The following TRAK1 variants were observed in gnomAD, a reference collection of about 807,000 sequenced individuals.
The protein encoded by TRAK1 is trafficking kinesin protein 1.
Under a neutral mutation model 92.1 loss-of-function variants are expected in TRAK1, and 33 were observed. The ratio of observed to expected loss-of-function variants is 0.36; its 90% CI spans 0.27 to 0.48. TRAK1 has a LOEUF of 0.48. TRAK1 is among the 20% of genes least tolerant of loss of function. The probability of loss-of-function intolerance (pLI) is 0.99; values close to 1 mark genes in which losing one functional copy is unlikely to be tolerated. For synonymous variants in TRAK1, 521 were observed against 517.3 expected (o/e 1.01, Z -0.10); for missense variants, 1,123 against 1,257.9 (o/e 0.89, Z 1.62).
At chr3:42,182,594 T>C (rs1284208567) in intron 3 of TRAK1, among the ~76,000 whole-genome samples, 1 of 152,198 alleles carries the variant, frequency 6.6e-6, no homozygotes, top group Non-Finnish European at 1.5e-5. Context: ...AGCTCATTTT[T>C]GATACTGTGA....
intron 1 of TRAK1, among the ~76,000 whole-genome samples, chr3:42,067,346 A>T (rs1576227804): frequency 6.6e-6 from 1 of 152,356 alleles, no homozygotes; most frequent in East Asian, 1.9e-4. Flanking sequence ...ATTAAAAAGA[A>T]CAAGATATGT....
At position 42,202,946 on chromosome 3, in the gene TRAK1, A is replaced by G. The variant is rs1314548607; in HGVS notation, c.1744+194A>G. On this transcript the variant is annotated intron_variant, in intron 13 of 15. Coordinates refer to ENST00000327628, the MANE Select transcript of TRAK1 (RefSeq NM_001042646.3). This position sits in a 1 kb window ranked among gnomAD's most constrained non-coding sequence, Gnocchi z 6.1. ...CCTCCGTCCCTCCCCTCTGGCTGGC[A>G]GGTGTGACAATGCACACATAGGCCA... 2 of 1,402,066 alleles carry G rather than the reference A, an allele frequency of 1.4e-6. No homozygotes were observed. The highest frequency in any genetic ancestry group is 1.9e-6 in the Non-Finnish European group (2 of 1,077,742). The allele number at this position is 1,402,066 out of a possible 1,614,324, so 86.9% of individuals were successfully genotyped here. A position where few individuals can be genotyped will look rare whatever the true frequency, so the allele number is the denominator to read the frequency against.
rs1708869783 is a variant in TRAK1 at position 42,210,345 on chromosome 3, C to T, written c.1963+360C>T. 4.8e-6 allele frequency: 7 copies of T among 1,463,760 alleles called. No homozygotes were observed. The South Asian group carries it at 1.2e-4, about 24-fold the overall frequency. 90.7% of individuals were successfully genotyped at this position (1,463,760 alleles called of 1,614,324 possible). The stretch of plus-strand genomic sequence containing the variant: ...GTAACAATGGGTGTAGCTCCCCTGC[C>T]CATCTTGGAGGTGCATGGCCCATCA... On this transcript the variant is annotated intron_variant, in intron 14 of 15. Transcript: ENST00000327628.
intron 6 of TRAK1, among the ~76,000 whole-genome samples, chr3:42,189,400 G>A (rs1057059097): frequency 6.6e-6 from 1 of 152,240 alleles, no homozygotes; most frequent in Non-Finnish European, 1.5e-5. Flanking sequence ...CTCCTGCAGT[G>A]AGGTCTCCCA....
At chr3:42,051,304 C>T (rs944070726) in intron 1 of TRAK1, 6 of 152,288 alleles carry the variant, frequency 3.9e-5, no homozygotes, top group African/African-American at 9.6e-5. Context: ...TCATATCTGT[C>T]ATTGTTGTAG....
At chr3:42,168,044 T>C (rs1396513232) in intron 2 of TRAK1, among the ~76,000 whole-genome samples, 3 of 152,230 alleles carry the variant, frequency 2.0e-5, no homozygotes, top group Admixed American at 6.5e-5. Flanking sequence ...TGGGAGAAGA[T>C]AGAAGAGGTT....
intron 1 of TRAK1, among the ~76,000 whole-genome samples, chr3:42,058,787 G>GT (rs1312886943): frequency 2.6e-5 from 4 of 152,112 alleles, no homozygotes; most frequent in Non-Finnish European, 4.4e-5. Flanking sequence ...ACAACAGATC[G>GT]TAAGATACGC....
chr3:42,076,216 C>CTTTT (rs3073733), intron 1 of TRAK1, among the ~76,000 whole-genome samples: 2 of 62,684 alleles, frequency 3.2e-5, no homozygotes, highest in African/African-American at 8.0e-5. Context: ...GATATTAGAC[C>CTTTT]TTTTTTTTTT....
chr3:42,116,687 G>A (rs1453047880), intron 1 of TRAK1, among the ~76,000 whole-genome samples: 1 of 152,186 alleles, frequency 6.6e-6, no homozygotes, highest in East Asian at 1.9e-4. Flanking sequence ...TCATGAGAGA[G>A]GGTTATTGCC....
chr3:42,034,893 C>T (rs960341025), intron 1 of TRAK1, among the ~76,000 whole-genome samples: 7 of 152,038 alleles, frequency 4.6e-5, no homozygotes, highest in African/African-American at 1.7e-4. Flanking sequence ...CCATTAGCCC[C>T]TCTCTGTCTC....
intron 2 of TRAK1, chr3:42,160,500 G>T (rs1415376532): frequency 1.2e-6 from 2 of 1,609,150 alleles, no homozygotes; most frequent in African/African-American, 1.3e-5. Context: ...GCTCAGATTT[G>T]ATCCTTTCCT....
At chr3:42,033,579 C>T (rs188731855) in intron 1 of TRAK1, among the ~76,000 whole-genome samples, 3 of 148,594 alleles carry the variant, frequency 2.0e-5, no homozygotes, top group East Asian at 2.0e-4. Flanking sequence ...CAGAGCAAGA[C>T]CCTGTCTCAA....
intron 14 of TRAK1, chr3:42,210,248 G>T (rs1708858204): frequency 1.3e-6 from 2 of 1,524,904 alleles, no homozygotes; most frequent in Admixed American, 4.4e-5. Flanking sequence ...CCGCTCGTCT[G>T]TGTGGGTGAT....
intron 2 of TRAK1, among the ~76,000 whole-genome samples, chr3:42,175,350 C>T (rs76330255): frequency 3.2e-4 from 48 of 152,298 alleles, no homozygotes; most frequent in South Asian, 1.0e-3. Flanking sequence ...CTTGTGTGAC[C>T]TCGAGCTGAT....
At chr3:42,084,349 C>T (rs1340948134), upstream of TRAK1, among the ~76,000 whole-genome samples, 1 of 152,136 alleles carries the variant, frequency 6.6e-6, no homozygotes, top group Non-Finnish European at 1.5e-5. Context: ...CCTGTAATCC[C>T]AGCTACTTGG....
chr3:42,052,991 G>A (rs1316949747), intron 1 of TRAK1, among the ~76,000 whole-genome samples: 1 of 152,186 alleles, frequency 6.6e-6, no homozygotes, highest in Non-Finnish European at 1.5e-5. Context: ...AAGACAGGGG[G>A]AGCTGACTGA....
chr3:42,155,958 C>G (rs1381104882), intron 2 of TRAK1, among the ~76,000 whole-genome samples: 2 of 152,154 alleles, frequency 1.3e-5, no homozygotes, highest in Non-Finnish European at 2.9e-5. Flanking sequence ...GTGATTGACC[C>G]TCCCCTCCAC....
At chr3:42,059,073 G>T (rs1703320502) in intron 1 of TRAK1, among the ~76,000 whole-genome samples, 1 of 151,946 alleles carries the variant, frequency 6.6e-6, no homozygotes, top group Admixed American at 6.6e-5. Context: ...TATGATATAA[G>T]TAGGCTTTGG....
At chr3:42,211,811 G>A (rs551853554) in intron 14 of TRAK1, 12 of 985,288 alleles carry the variant, frequency 1.2e-5, no homozygotes, top group Non-Finnish European at 1.4e-5. Flanking sequence ...TGTTCTCTCT[G>A]TACTCAAACC....
Sources: gnomAD v4.1 joint callset for allele counts (sites outside exome capture counted in the v4.1 genomes callset) on GRCh38, gnomAD v4.1.1 for gene constraint, Gnocchi (gnomAD v3.1) non-coding constraint, MANE v1.5 for transcripts, NCBI Gene and HGNC (gene_info 2026-07-23, HGNC 2026-07-21) for gene names.